The following NEGR1 variants were observed in gnomAD, a reference collection of about 807,000 sequenced individuals.
NEGR1 encodes IgLON family member 4.
In NEGR1, 10 loss-of-function variants were observed where a neutral mutation model predicts 40.9. The ratio of observed to expected loss-of-function variants is 0.24; its 90% CI spans 0.15 to 0.42. NEGR1 has a LOEUF of 0.42. Among genes scored for constraint, NEGR1 ranks in the 10% least tolerant of loss-of-function variants. NEGR1 has a pLI of 1.00. For synonymous variants in NEGR1, 185 were observed against 166.8 expected, an observed-to-expected ratio of 1.11 and a Z score of -0.84; for missense variants, 352 against 438.9, an observed-to-expected ratio of 0.80 and a Z score of 1.77.
chr1:72,092,735 G>A (rs1569950977), intron 1 of NEGR1, among the ~76,000 whole-genome samples: 1 of 151,584 alleles, frequency 6.6e-6, no homozygotes, highest in Admixed American at 6.6e-5. Flanking sequence ...CTGCAGCCTC[G>A]ACCTCCCCAG....
At chr1:71,821,275 G>C (rs1212546024) in intron 2 of NEGR1, among the ~76,000 whole-genome samples, 2 of 151,920 alleles carry the variant, frequency 1.3e-5, no homozygotes, top group South Asian at 2.1e-4. Context: ...ATGAGCAAGA[G>C]GTAGCTAACA....
At chr1:71,446,639 C>A (rs1646584389) in intron 6 of NEGR1, among the ~76,000 whole-genome samples, 1 of 152,094 alleles carries the variant, frequency 6.6e-6, no homozygotes, top group Admixed American at 6.5e-5. Flanking sequence ...TGTGTATGTT[C>A]ATAATGGAAT....
chr1:72,139,578 C>T (rs1399133134), intron 1 of NEGR1, among the ~76,000 whole-genome samples: 3 of 151,926 alleles, frequency 2.0e-5, no homozygotes, highest in African/African-American at 7.2e-5. Context: ...AATATGAAAG[C>T]ACACTCATAG....
intron 6 of NEGR1, chr1:71,468,253 TCTAA>T (rs1389563967): frequency 1.3e-5 from 2 of 151,940 alleles, no homozygotes; most frequent in African/African-American, 4.8e-5. Flanking sequence ...TGTGTCTAAC[TCTAA>T]CTATTAATGA....
At chr1:71,655,459 T>A (rs1024866138) in intron 4 of NEGR1, among the ~76,000 whole-genome samples, 5 of 152,216 alleles carry the variant, frequency 3.3e-5, no homozygotes, top group Admixed American at 6.5e-5. Flanking sequence ...GCATCCAATT[T>A]TAGGACATTT....
At chr1:71,577,117 T>A (rs1335190710) in intron 6 of NEGR1, among the ~76,000 whole-genome samples, 1 of 151,806 alleles carries the variant, frequency 6.6e-6, no homozygotes, top group Non-Finnish European at 1.5e-5. Flanking sequence ...AGAATTGTAA[T>A]TTTTTTTGTC....
intron 4 of NEGR1, among the ~76,000 whole-genome samples, chr1:71,678,509 A>G (rs1179531552): frequency 6.6e-6 from 1 of 152,182 alleles, no homozygotes; most frequent in Non-Finnish European, 1.5e-5. Context: ...GGCCATCAAC[A>G]CATTTAATAA....
intron 6 of NEGR1, among the ~76,000 whole-genome samples, chr1:71,409,207 T>C (rs1170081590): frequency 1.3e-5 from 2 of 152,032 alleles, no homozygotes; most frequent in African/African-American, 2.4e-5. Flanking sequence ...GAACTCCTCA[T>C]TGTCCCCTTT....
At chr1:72,202,698 T>C (rs1653259099) in intron 1 of NEGR1, among the ~76,000 whole-genome samples, 1 of 152,006 alleles carries the variant, frequency 6.6e-6, no homozygotes, top group Non-Finnish European at 1.5e-5. Context: ...GAATGCTATC[T>C]AGAACTTTCA....
At chr1:72,094,795 A>G (rs759501951) in intron 1 of NEGR1, among the ~76,000 whole-genome samples, 2 of 152,170 alleles carry the variant, frequency 1.3e-5, no homozygotes, top group Admixed American at 6.5e-5. Context: ...TATTTTGTTA[A>G]CACTAATTAC....
chr1:72,247,553 C>G (rs1408935046), intron 1 of NEGR1, among the ~76,000 whole-genome samples: 1 of 152,202 alleles, frequency 6.6e-6, no homozygotes, highest in Middle Eastern at 3.2e-3. Flanking sequence ...GGCTAACACA[C>G]ATGACCTTTA....
intron 1 of NEGR1, among the ~76,000 whole-genome samples, chr1:71,966,220 C>T (rs1223109941): frequency 2.0e-5 from 3 of 152,104 alleles, no homozygotes; most frequent in African/African-American, 7.2e-5. Context: ...AATGTAGATA[C>T]CTCTTGTTTA....
At chr1:71,992,226 AT>A (rs1486807919) in intron 1 of NEGR1, among the ~76,000 whole-genome samples, 1 of 152,206 alleles carries the variant, frequency 6.6e-6, no homozygotes, top group African/African-American at 2.4e-5. Flanking sequence ...CATCATATTC[AT>A]TTTTAGCATA....
intron 2 of NEGR1, among the ~76,000 whole-genome samples, chr1:71,902,427 T>C (rs982727592): frequency 1.3e-5 from 2 of 152,232 alleles, no homozygotes; most frequent in African/African-American, 4.8e-5. Flanking sequence ...TATATTTTAA[T>C]TCATTTTCAC....
intron 1 of NEGR1, among the ~76,000 whole-genome samples, chr1:72,151,793 C>T (rs77814791): frequency 0.013 from 1,968 of 151,836 alleles, 43 homozygotes; most frequent in African/African-American, 0.045. Context: ...AATGTTTCCA[C>T]ATCATGAGTG....
intron 3 of NEGR1, among the ~76,000 whole-genome samples, chr1:71,712,083 G>C (rs1318223133): frequency 6.6e-6 from 1 of 152,088 alleles, no homozygotes; most frequent in Admixed American, 6.6e-5. Flanking sequence ...AAATTGTTCT[G>C]TATCTTGCTT....
At chr1:71,474,596 A>G (rs1196239873) in intron 6 of NEGR1, among the ~76,000 whole-genome samples, 1 of 150,698 alleles carries the variant, frequency 6.6e-6, no homozygotes, top group African/African-American at 2.4e-5. Context: ...CTATAATCCC[A>G]GCTACTTGGG....
At chr1:71,537,376 C>A (rs558426013) in intron 6 of NEGR1, among the ~76,000 whole-genome samples, 5 of 151,640 alleles carry the variant, frequency 3.3e-5, no homozygotes, top group African/African-American at 4.8e-5. Flanking sequence ...TAAATGGGGA[C>A]ATTCCTATGC....
At chr1:71,841,318 G>A (rs1659230374) in intron 2 of NEGR1, among the ~76,000 whole-genome samples, 1 of 152,038 alleles carries the variant, frequency 6.6e-6, no homozygotes, top group African/African-American at 2.4e-5. Context: ...CTAGGCATGG[G>A]AAAATATAGT....
Sources: gnomAD v4.1 joint callset for allele counts (sites outside exome capture counted in the v4.1 genomes callset) on GRCh38, gnomAD v4.1.1 for gene constraint, MANE v1.5 for transcripts, NCBI Gene and HGNC (gene_info 2026-07-23, HGNC 2026-07-21) for gene names.